NLRP5: variants seen among roughly 807,000 people sequenced by gnomAD.
The protein encoded by NLRP5 is NLR family pyrin domain containing 5.
A neutral mutation model predicts 113.1 loss-of-function variants in NLRP5; 93 were observed. The ratio of observed to expected loss-of-function variants is 0.82; its 90% CI spans 0.70 to 0.98. NLRP5 has a LOEUF of 0.98. NLRP5 is among the 50% of genes least tolerant of loss of function. NLRP5 has a pLI of 0.00. For missense variants in NLRP5, 1,808 were observed against 1,514.3 expected, an observed-to-expected ratio of 1.19 and a Z score of -3.22; for synonymous variants, 751 against 600.7, an observed-to-expected ratio of 1.25 and a Z score of -3.66.
intron 3 of NLRP5, among the ~76,000 whole-genome samples, chr19:56,011,934 C>G (rs1982209153): frequency 6.6e-6 from 1 of 152,034 alleles, no homozygotes; most frequent in South Asian, 2.1e-4. Flanking sequence ...TCAGGTGATC[C>G]ACCCACCTCA....
chr19:56,046,402 G>A (rs1300187049), intron 11 of NLRP5, among the ~76,000 whole-genome samples: 2 of 112,106 alleles, frequency 1.8e-5, no homozygotes, highest in East Asian at 6.5e-4. Context: ...GTAGTTTCGT[G>A]TGTGTGTGTG....
chr19:56,023,427 T>C (rs1982693434), intron 6 of NLRP5, among the ~76,000 whole-genome samples: 1 of 152,216 alleles, frequency 6.6e-6, no homozygotes, highest in South Asian at 2.1e-4. Context: ...TCCCATGGGT[T>C]CTGTGTCCAT....
At chr19:56,036,008 T>C (rs961396647) in intron 9 of NLRP5, among the ~76,000 whole-genome samples, 2 of 151,786 alleles carry the variant, frequency 1.3e-5, no homozygotes, top group African/African-American at 4.8e-5. Context: ...TGATTTTGCA[T>C]GTAGTACTAC....
In NLRP5 at chr19:56,058,347, C is replaced by T; in HGVS notation, c.3407C>T (p.Pro1136Leu). ...AACCTGGTGCAGAATAACTTCAGTCCCAAAGGAATGATGAAGCTGTGTTCG... is the reference window on the plus strand; with the variant it reads ...AACCTGGTGCAGAATAACTTCAGTCTCAAAGGAATGATGAAGCTGTGTTCG... The change falls in exon 14 of 15, where the codon CCC becomes CTC. Residue 1136 changes from proline to leucine, a missense_variant. Transcript: ENST00000390649. 6.2e-7 allele frequency: 1 copy of T among 1,613,960 alleles called. No homozygotes were observed. The highest frequency in any genetic ancestry group is 8.5e-7 in the Non-Finnish European group (1 of 1,179,884).
chr19:56,043,636 G>A (rs113718764), intron 11 of NLRP5, among the ~76,000 whole-genome samples: 82 of 127,506 alleles, frequency 6.4e-4, no homozygotes, highest in Non-Finnish European at 7.7e-4. Context: ...CGTGATCTCC[G>A]GTCACTGCAA....
chr19:56,048,157 T>C (rs1983796389), intron 11 of NLRP5, among the ~76,000 whole-genome samples: 1 of 152,054 alleles, frequency 6.6e-6, no homozygotes, highest in Non-Finnish European at 1.5e-5. Flanking sequence ...GGTTGGTGAG[T>C]TTTTTATTCT....
At chr19:56,055,100 A>G (rs1005938729) in intron 13 of NLRP5, among the ~76,000 whole-genome samples, 1 of 146,688 alleles carries the variant, frequency 6.8e-6, no homozygotes, top group Non-Finnish European at 1.5e-5. Flanking sequence ...TCCGAGTTCA[A>G]GCCTCAGCCT....
intron 11 of NLRP5, among the ~76,000 whole-genome samples, chr19:56,045,506 AC>A (rs1983688842): frequency 6.7e-6 from 1 of 150,008 alleles, no homozygotes; most frequent in Non-Finnish European, 1.5e-5. Context: ...GTTGGTATGC[AC>A]CCATTAACTC....
At chr19:56,008,387 C>CTT (rs1435762673) in intron 2 of NLRP5, among the ~76,000 whole-genome samples, 3 of 152,076 alleles carry the variant, frequency 2.0e-5, no homozygotes, top group Non-Finnish European at 4.4e-5. Flanking sequence ...GGTAGTCAAT[C>CTT]TTGGACCTTG....
chr19:55,996,667 A>G (rs60733445), upstream of NLRP5, among the ~76,000 whole-genome samples: 16,558 of 152,088 alleles, frequency 0.11, 1,130 homozygotes, highest in East Asian at 0.27. Flanking sequence ...ACATGAAATC[A>G]TCCTTGTTTA....
intron 7 of NLRP5, 70 bp downstream of exon 7, chr19:56,028,579 A>C: frequency 7.0e-7 from 1 of 1,424,270 alleles, no homozygotes; most frequent in Non-Finnish European, 9.6e-7. Flanking sequence ...GGGACTTGAC[A>C]TGACTTCCAG....
the NLRP5 span, among the ~76,000 whole-genome samples, chr19:55,987,193 A>G: frequency 6.6e-6 from 1 of 152,066 alleles, no homozygotes; most frequent in Non-Finnish European, 1.5e-5. Flanking sequence ...ACATGGTGAA[A>G]TCCTCATCTC....
intron 2 of NLRP5, among the ~76,000 whole-genome samples, chr19:56,004,965 A>G (rs1981797652): frequency 6.6e-6 from 1 of 151,704 alleles, no homozygotes; most frequent in African/African-American, 2.4e-5. Context: ...GTCATGGCAC[A>G]TGCCTGTAAT....
At chr19:56,023,024 C>T (rs548751356) in intron 6 of NLRP5, among the ~76,000 whole-genome samples, 1 of 152,288 alleles carries the variant, frequency 6.6e-6, no homozygotes, top group Admixed American at 6.5e-5. Flanking sequence ...CTGCACCCAG[C>T]GAGACAAAAG....
In NLRP5 at chr19:56,038,007, T is replaced by C; in HGVS notation, c.2616-18T>C. 7 of 1,613,568 alleles carry C rather than the reference T, an allele frequency of 4.3e-6. No homozygotes were observed. Among genetic ancestry groups the C allele is most frequent in the East Asian group, 2.2e-5 (1 of 44,856 alleles). ...TTGGACAAGAGCTGGGATTGCTTCATGCTGCCTGTCTCTGCAGGCTGGATT... is the reference window on the plus strand; with the variant it reads ...TTGGACAAGAGCTGGGATTGCTTCACGCTGCCTGTCTCTGCAGGCTGGATT... On this transcript the variant is annotated intron_variant, in intron 9 of 14. Coordinates refer to ENST00000390649, the MANE Select transcript of NLRP5 (RefSeq NM_153447.4).
At chr19:56,011,258 A>G (rs1486253264) in intron 3 of NLRP5, among the ~76,000 whole-genome samples, 1 of 152,182 alleles carries the variant, frequency 6.6e-6, no homozygotes, top group Non-Finnish European at 1.5e-5. Flanking sequence ...TATATATTGA[A>G]TGATTCCATT....
At chr19:55,989,744 C>T in the NLRP5 span, among the ~76,000 whole-genome samples, 1 of 152,144 alleles carries the variant, frequency 6.6e-6, no homozygotes, top group South Asian at 2.1e-4. Context: ...TTTAAGGATG[C>T]AGGGCACGTT....
chr19:56,015,006 C>A (rs1982350096), intron 3 of NLRP5, among the ~76,000 whole-genome samples: 1 of 152,180 alleles, frequency 6.6e-6, no homozygotes, highest in South Asian at 2.1e-4. Context: ...GGGTATATGA[C>A]ACAGTAACAA....
At chr19:56,007,355 CTG>C (rs1269103401) in intron 2 of NLRP5, among the ~76,000 whole-genome samples, 2 of 62,248 alleles carry the variant, frequency 3.2e-5, no homozygotes, top group East Asian at 3.4e-4. Flanking sequence ...CAGATTGAGA[CTG>C]TCTTTTTTTT....
Sources: gnomAD v4.1 joint callset for allele counts (sites outside exome capture counted in the v4.1 genomes callset) on GRCh38, gnomAD v4.1.1 for gene constraint, MANE v1.5 for transcripts, NCBI Gene and HGNC (gene_info 2026-07-23, HGNC 2026-07-21) for gene names.